ADAMTS16: variants seen among roughly 807,000 people sequenced by gnomAD.
ADAMTS16 encodes the protein A disintegrin and metalloproteinase with thrombospondin motifs 16.
A neutral mutation model predicts 145.8 loss-of-function variants in ADAMTS16; 94 were observed. The ratio of observed to expected loss-of-function variants is 0.64; its 90% CI spans 0.55 to 0.77. The LOEUF is 0.77. Ranked by LOEUF, ADAMTS16 falls within the 30% of genes least tolerant of loss-of-function variation. ADAMTS16 has a pLI of 0.00. For synonymous variants in ADAMTS16, 659 were observed against 604.3 expected (o/e 1.09, Z -1.33); for missense variants, 1,585 against 1,591.5 (o/e 1.00, Z 0.07).
intron 21 of ADAMTS16, among the ~76,000 whole-genome samples, chr5:5,315,248 C>T (rs72726055): frequency 0.15 from 23,393 of 152,040 alleles, 1,997 homozygotes; most frequent in East Asian, 0.21. Flanking sequence ...TAATTGCCCC[C>T]GTGATTCAGT....
chr5:5,226,192 C>T (rs929099352), intron 11 of ADAMTS16, among the ~76,000 whole-genome samples: 3 of 152,132 alleles, frequency 2.0e-5, no homozygotes, highest in Non-Finnish European at 2.9e-5. Context: ...TTTTCTCAGG[C>T]TGCTGACAAA....
intron 21 of ADAMTS16, among the ~76,000 whole-genome samples, chr5:5,311,917 C>T (rs1260508230): frequency 6.6e-6 from 1 of 152,056 alleles, no homozygotes; most frequent in Non-Finnish European, 1.5e-5. Context: ...TGGGGTTTCA[C>T]CATGTTGGCC....
intron 18 of ADAMTS16, among the ~76,000 whole-genome samples, chr5:5,302,990 C>T (rs1323604260): frequency 6.6e-6 from 1 of 152,026 alleles, no homozygotes; most frequent in East Asian, 1.9e-4. Flanking sequence ...AGAACAGACA[C>T]ACTGTGCCGA....
intron 9 of ADAMTS16, among the ~76,000 whole-genome samples, chr5:5,205,654 C>T (rs1736084530): frequency 6.6e-6 from 1 of 152,232 alleles, no homozygotes; most frequent in South Asian, 2.1e-4. Context: ...GTAGTGGTGT[C>T]TCACTGATGT....
At chr5:5,145,653 A>G (rs1734274071) in intron 2 of ADAMTS16, among the ~76,000 whole-genome samples, 2 of 152,272 alleles carry the variant, frequency 1.3e-5, no homozygotes, top group Non-Finnish European at 2.9e-5. Flanking sequence ...TCTTCAAAAT[A>G]AAGGTCATAA....
At chr5:5,161,211 C>T (rs941990864) in intron 3 of ADAMTS16, among the ~76,000 whole-genome samples, 4 of 152,206 alleles carry the variant, frequency 2.6e-5, no homozygotes, top group African/African-American at 9.6e-5. Flanking sequence ...TTCCATTGTA[C>T]AGTTTGCAGA....
Position 5,230,481 on chromosome 5 carries a change from G to T in ADAMTS16, c.1702-1887G>T, listed in dbSNP as rs115277787. ...GAACCCTTAGTGAAAGAGCTTCGAA[G>T]AAATGATTTCAAGTCTGGGAGTCAG... On this transcript the variant is annotated intron_variant, in intron 11 of 22. Transcript: ENST00000274181. Among the ~76,000 whole-genome samples the T allele has an allele frequency of 6.2e-3, 941 of 152,266 alleles. 5 individuals carry two copies. The highest frequency in any genetic ancestry group is 0.021 in the African/African-American group (868 of 41,558).
intron 11 of ADAMTS16, among the ~76,000 whole-genome samples, chr5:5,228,836 C>T (rs1736839834): frequency 6.6e-6 from 1 of 152,234 alleles, no homozygotes; most frequent in Admixed American, 6.5e-5. Flanking sequence ...GTGTTCTTAG[C>T]TCCCACATTT....
intron 10 of ADAMTS16, among the ~76,000 whole-genome samples, chr5:5,215,870 GTATATATATATATATATA>G (rs55703329): frequency 0.014 from 1,399 of 101,622 alleles, 40 homozygotes; most frequent in Non-Finnish European, 0.016. Context: ...GTGTGTATGT[GTATATATATATATATATA>G]TATATATATA....
intron 17 of ADAMTS16, among the ~76,000 whole-genome samples, chr5:5,249,587 C>T (rs552615051): frequency 6.6e-6 from 1 of 152,202 alleles, no homozygotes; most frequent in East Asian, 1.9e-4. Context: ...AGGCTTTGCA[C>T]GGGCCCTGCA....
intron 8 of ADAMTS16, among the ~76,000 whole-genome samples, chr5:5,195,855 T>A (rs1735785843): frequency 6.6e-6 from 1 of 152,128 alleles, no homozygotes; most frequent in Non-Finnish European, 1.5e-5. Context: ...TAAATAGATA[T>A]GCCATGCAAG....
At chr5:5,151,484 C>T (rs572883706) in intron 3 of ADAMTS16, among the ~76,000 whole-genome samples, 64 of 152,022 alleles carry the variant, frequency 4.2e-4, no homozygotes, top group Admixed American at 1.3e-3. Context: ...GTGATCCACC[C>T]GCCTCAGCCT....
chr5:5,244,512 C>T (rs1737383234), intron 17 of ADAMTS16, among the ~76,000 whole-genome samples: 1 of 152,164 alleles, frequency 6.6e-6, no homozygotes, highest in South Asian at 2.1e-4. Context: ...AAATTTTGAA[C>T]AAGCCTTTCA....
At chr5:5,272,518 C>G (rs542128833) in intron 18 of ADAMTS16, among the ~76,000 whole-genome samples, 1 of 150,474 alleles carries the variant, frequency 6.6e-6, no homozygotes, top group African/African-American at 2.5e-5. Context: ...CCCGCCACTA[C>G]GCCTGGCTAA....
intron 18 of ADAMTS16, among the ~76,000 whole-genome samples, chr5:5,268,342 C>A (rs1298535975): frequency 1.3e-5 from 2 of 152,196 alleles, no homozygotes; most frequent in Non-Finnish European, 2.9e-5. Flanking sequence ...TGGGAGGACC[C>A]CAAGATAGGA....
At chr5:5,256,098 T>C (rs1220791340) in intron 17 of ADAMTS16, among the ~76,000 whole-genome samples, 1 of 152,256 alleles carries the variant, frequency 6.6e-6, no homozygotes, top group East Asian at 1.9e-4. Context: ...ACACTTTACA[T>C]TCCTCTTTTA....
chr5:5,177,873 C>T lies in ADAMTS16; in HGVS notation c.502-4171C>T, dbSNP rs115379263. Among the ~76,000 whole-genome samples, 534 of 152,238 alleles carry T rather than the reference C, an allele frequency of 3.5e-3. 7 individuals are homozygous for T. Among genetic ancestry groups the T allele is most frequent in the African/African-American group, 0.012 (495 of 41,524 alleles). ...TGATAGGTGGCTCTCATGAATAGGG[C>T]GCATGGCGTCACCTGAGACACGCTT... is the stretch of plus-strand genomic sequence containing the variant. On this transcript the variant is annotated intron_variant, in intron 3 of 22. Transcript: ENST00000274181.
intron 21 of ADAMTS16, among the ~76,000 whole-genome samples, chr5:5,314,518 C>T (rs1245888124): frequency 6.6e-6 from 1 of 152,178 alleles, no homozygotes; most frequent in South Asian, 2.1e-4. Flanking sequence ...GGATTTTTTT[C>T]TTCCTGGAAT....
In ADAMTS16 at chr5:5,157,513, A is replaced by G. The variant is rs187258770; in HGVS notation, c.501+11058A>G. 3.3e-3 allele frequency among the ~76,000 whole-genome samples: 498 copies of G among 152,314 alleles called. 5 individuals are homozygous for G. The highest frequency in any genetic ancestry group is 0.011 in the African/African-American group (457 of 41,588). Reference sequence around the variant, plus strand: ...GGTAATAAAATAATAGAAAGCTTCAATAGTAGTGACATGATGCATCTGGTG... The same window carrying G: ...GGTAATAAAATAATAGAAAGCTTCAGTAGTAGTGACATGATGCATCTGGTG... On this transcript the variant is annotated intron_variant, in intron 3 of 22. Coordinates refer to ENST00000274181, the MANE Select transcript of ADAMTS16 (RefSeq NM_139056.4).
Sources: gnomAD v4.1 joint callset for allele counts (sites outside exome capture counted in the v4.1 genomes callset) on GRCh38, gnomAD v4.1.1 for gene constraint, MANE v1.5 for transcripts, NCBI Gene and HGNC (gene_info 2026-07-23, HGNC 2026-07-21) for gene names.